NAV2: variants seen among roughly 807,000 people sequenced by gnomAD.
NAV2 encodes neuron navigator 2, also known as helicase, APC down-regulated 1.
Under a neutral mutation model 223.2 loss-of-function variants are expected in NAV2, and 54 were observed. That is an observed-to-expected ratio of 0.24 (90% confidence interval 0.19 to 0.30). The LOEUF is 0.30. NAV2 is among the 10% of genes least tolerant of loss of function. NAV2 has a pLI of 1.00. For synonymous variants in NAV2, 1,279 were observed against 1,239.3 expected, an observed-to-expected ratio of 1.03 and a Z score of -0.67; for missense variants, 2,806 against 3,147.5, an observed-to-expected ratio of 0.89 and a Z score of 2.60.
chr11:19,880,889 G>A (rs2063162552), intron 5 of NAV2, among the ~76,000 whole-genome samples: 1 of 152,156 alleles, frequency 6.6e-6, no homozygotes, highest in African/African-American at 2.4e-5. Context: ...TTTTTGACTT[G>A]AGGTCAAGTT....
intron 1 of NAV2, among the ~76,000 whole-genome samples, chr11:19,819,892 A>G (rs981714564): frequency 6.6e-6 from 1 of 152,212 alleles, no homozygotes; most frequent in Non-Finnish European, 1.5e-5. Flanking sequence ...CTAATCTCTC[A>G]TTCTATCCCC....
chr11:19,680,767 T>C (rs2048859716), intron 1 of NAV2, among the ~76,000 whole-genome samples: 1 of 152,206 alleles, frequency 6.6e-6, no homozygotes, highest in Non-Finnish European at 1.5e-5. Flanking sequence ...TGGCAAGCAT[T>C]CCAGAAGTGG....
Position 19,713,947 on chromosome 11 carries a change from CG to C in NAV2, c.255del (p.Phe86SerfsTer14). 1 of 1,612,796 alleles carries C rather than the reference CG, an allele frequency of 6.2e-7. No homozygotes were observed. The highest frequency in any genetic ancestry group is 8.5e-7 in the Non-Finnish European group (1 of 1,179,780). On this transcript the variant is annotated frameshift_variant, in exon 1 of 38. Coordinates refer to ENST00000349880, the MANE Select transcript of NAV2 (RefSeq NM_145117.5). LOFTEE classifies it high-confidence loss of function. This position sits in a 1 kb window ranked among gnomAD's most constrained non-coding sequence, Gnocchi z 7.2. ...PLRKSGSVEN[G>X]FDTQIYTDWA... ...TGCGGAAGAGCGGCTCGGTGGAAAA[CG>C]GGTTCGATACCCAGGTGAGAGATGC... is the stretch of plus-strand genomic sequence containing the variant.
Position 19,521,966 on chromosome 11 carries a change from G to T in NAV2, c.75+170939G>T, listed in dbSNP as rs532191671. 2.4e-3 allele frequency among the ~76,000 whole-genome samples: 360 copies of T among 152,324 alleles called. 1 individual carries two copies. Among genetic ancestry groups the T allele is most frequent in the Non-Finnish European group, 4.1e-3 (278 of 68,024 alleles). On this transcript the variant is annotated intron_variant, in intron 1 of 37. Coordinates refer to the NAV2 transcript ENST00000360655. ...CAGGGGCTAAAACTGGGGTTTTAGA[G>T]TTTAGGCAGATGGGTTTGGATCCAG... is the stretch of plus-strand genomic sequence containing the variant.
chr11:20,115,414 C>T (rs570573351), intron 37 of NAV2, among the ~76,000 whole-genome samples: 5 of 151,976 alleles, frequency 3.3e-5, no homozygotes, highest in African/African-American at 7.2e-5. Context: ...GCGGGTGGAT[C>T]GAGGTCAGGA....
chr11:19,809,243 T>C (rs1409382191), intron 1 of NAV2, among the ~76,000 whole-genome samples: 1 of 152,224 alleles, frequency 6.6e-6, no homozygotes, highest in Admixed American at 6.5e-5. Flanking sequence ...CACATACCCA[T>C]GTATGTTGTT....
rs1008488539 is a variant in NAV2 at position 20,047,822 on chromosome 11, A to G, written c.3903-906A>G. ...AAGGCCACCTGCATGTCAGAAATAC[A>G]TAGTAGTTTTGTCACTTGTGAGATA... On this transcript the variant is annotated intron_variant, in intron 14 of 37. Transcript: ENST00000349880. 7.2e-5 allele frequency among the ~76,000 whole-genome samples: 11 copies of G among 152,342 alleles called. No individual in the cohort carries two copies. The East Asian group carries it at 1.9e-3, about 27-fold the overall frequency.
chr11:20,083,201 G>A (rs776349579), intron 26 of NAV2, 22 bp downstream of exon 26: 13 of 1,598,816 alleles, frequency 8.1e-6, no homozygotes, highest in Admixed American at 1.7e-5. Flanking sequence ...TGTCTAGTCA[G>A]ATAACATCTT....
At chr11:19,510,403 T>G (rs1249493291) in intron 1 of NAV2, among the ~76,000 whole-genome samples, 1 of 152,236 alleles carries the variant, frequency 6.6e-6, no homozygotes, top group African/African-American at 2.4e-5. Flanking sequence ...TCTCCTTCTC[T>G]GATAACAGCA....
At chr11:19,941,982 G>T (rs537786914) in intron 8 of NAV2, among the ~76,000 whole-genome samples, 1 of 152,140 alleles carries the variant, frequency 6.6e-6, no homozygotes, top group African/African-American at 2.4e-5. Flanking sequence ...GTAACACTTT[G>T]ATATCCTCCA....
chr11:19,566,903 A>C (rs1461351260), intron 1 of NAV2, among the ~76,000 whole-genome samples: 1 of 152,206 alleles, frequency 6.6e-6, no homozygotes, highest in Non-Finnish European at 1.5e-5. Context: ...GCCTGTGAGA[A>C]AGAATCTTCC....
At position 19,438,784 on chromosome 11, in the gene NAV2, C is replaced by CAGG. The variant is rs572861793; in HGVS notation, c.75+87760_75+87762dup. Among the ~76,000 whole-genome samples, 12 of 152,308 alleles carry CAGG rather than the reference C, an allele frequency of 7.9e-5. No individual in the cohort carries two copies. The South Asian group carries it at 2.5e-3, about 32-fold the overall frequency. Reference sequence around the variant, plus strand: ...ATGAGGTCTGGAAAGATCCTGATTGCAGGAGTCTCCATTCTGTAAAATTAG... The same window carrying CAGG: ...ATGAGGTCTGGAAAGATCCTGATTGCAGGAGGAGTCTCCATTCTGTAAAATTAG... On this transcript the variant is annotated intron_variant, in intron 1 of 37. Transcript: ENST00000360655.
In NAV2 at chr11:19,859,965, T is replaced by A. The variant is rs536387896; in HGVS notation, c.439-8960T>A. Reference sequence around the variant, plus strand: ...CGGCCGGGCAGAGGTGCCCCTCACCTCCCGGATGGGGCGGCTGGCCAGGCG... The same window carrying A: ...CGGCCGGGCAGAGGTGCCCCTCACCACCCGGATGGGGCGGCTGGCCAGGCG... On this transcript the variant is annotated intron_variant, in intron 3 of 37. Transcript: ENST00000349880. 2.6e-5 allele frequency among the ~76,000 whole-genome samples: 3 copies of A among 117,452 alleles called. No homozygotes were observed. The South Asian group carries it at 9.3e-4, about 36-fold the overall frequency. 77.1% of individuals were successfully genotyped at this position (117,452 alleles called of 152,430 possible). A position where few individuals can be genotyped will look rare whatever the true frequency, so the allele number is the denominator to read the frequency against.
chr11:19,637,673 C>A (rs1029537096), intron 1 of NAV2, among the ~76,000 whole-genome samples: 7 of 152,292 alleles, frequency 4.6e-5, no homozygotes, highest in Non-Finnish European at 8.8e-5. Flanking sequence ...AGAATTGGAG[C>A]AAGGGGGTGG....
intron 1 of NAV2, among the ~76,000 whole-genome samples, chr11:19,406,422 C>T (rs562112907): frequency 2.0e-5 from 3 of 152,278 alleles, no homozygotes; most frequent in African/African-American, 4.8e-5. Context: ...TGGAGGAGAG[C>T]GTTTTCCAGA....
chr11:19,354,073 A>G (rs1028542598), intron 1 of NAV2, among the ~76,000 whole-genome samples: 4 of 152,244 alleles, frequency 2.6e-5, no homozygotes, highest in African/African-American at 9.6e-5. Flanking sequence ...ATGTATATTT[A>G]GGATGTTTCC....
intron 10 of NAV2, among the ~76,000 whole-genome samples, chr11:19,971,196 C>A (rs991035230): frequency 6.6e-6 from 1 of 152,104 alleles, no homozygotes; most frequent in Non-Finnish European, 1.5e-5. Flanking sequence ...GTAGGACACA[C>A]TTTTGCCAAC....
chr11:19,987,043 AT>A (rs935881091), intron 11 of NAV2, among the ~76,000 whole-genome samples: 3 of 152,192 alleles, frequency 2.0e-5, no homozygotes, highest in Admixed American at 6.5e-5. Flanking sequence ...TAATTTTAAT[AT>A]TTTTTTAAAA....
chr11:20,019,426 T>C (rs2054298504), intron 11 of NAV2, among the ~76,000 whole-genome samples: 2 of 151,982 alleles, frequency 1.3e-5, no homozygotes, highest in African/African-American at 4.8e-5. Flanking sequence ...TTGGGAGCAA[T>C]AGTTTTGAGT....
Sources: gnomAD v4.1 joint callset for allele counts (sites outside exome capture counted in the v4.1 genomes callset) on GRCh38, gnomAD v4.1.1 for gene constraint, Gnocchi (gnomAD v3.1) non-coding constraint, MANE v1.5 for transcripts, NCBI Gene and HGNC (gene_info 2026-07-23, HGNC 2026-07-21) for gene names.